The following SYNPO2 variants were observed in gnomAD, a reference collection of about 807,000 sequenced individuals.
The protein encoded by SYNPO2 is synaptopodin-2.
A neutral mutation model predicts 85.0 loss-of-function variants in SYNPO2; 56 were observed. That is an observed-to-expected ratio of 0.66 (90% CI 0.53 to 0.82). The LOEUF is 0.82. Ranked by LOEUF, SYNPO2 falls within the 40% of genes least tolerant of loss-of-function variation. The pLI is 0.00. For synonymous variants in SYNPO2, 602 were observed against 591.1 expected (o/e 1.02, Z -0.27); for missense variants, 1,575 against 1,534.2 (o/e 1.03, Z -0.44).
At chr4:118,876,683 T>C (rs1175817804) in intron 1 of SYNPO2, among the ~76,000 whole-genome samples, 1 of 47,420 alleles carries the variant, frequency 2.1e-5, no homozygotes, top group Admixed American at 1.9e-4. Context: ...CTTTCTTTCT[T>C]TCTTTCTTTC....
intron 1 of SYNPO2, among the ~76,000 whole-genome samples, chr4:118,870,957 AGAG>A (rs1447251927): frequency 7.9e-5 from 12 of 152,242 alleles, no homozygotes; most frequent in Non-Finnish European, 1.6e-4. Flanking sequence ...CAAGCTCAAA[AGAG>A]GAGAATATCA....
chr4:118,881,777 C>T (rs1029189507), intron 1 of SYNPO2, among the ~76,000 whole-genome samples: 3 of 152,200 alleles, frequency 2.0e-5, no homozygotes, highest in Non-Finnish European at 4.4e-5. Flanking sequence ...TTTCACACTG[C>T]TCGTTCTCTC....
At chr4:118,947,207 A>G (rs541308391) in intron 1 of SYNPO2, among the ~76,000 whole-genome samples, 3 of 152,306 alleles carry the variant, frequency 2.0e-5, no homozygotes, top group South Asian at 2.1e-4. Flanking sequence ...TCTCTGTACT[A>G]TCTCTTTTAC....
intron 4 of SYNPO2, chr4:119,038,290 A>G (rs1353854180): frequency 1.0e-6 from 1 of 985,098 alleles, no homozygotes; most frequent in Non-Finnish European, 1.2e-6. Context: ...ATTTCCCAAG[A>G]TGGCTCAGAA....
intron 1 of SYNPO2, among the ~76,000 whole-genome samples, chr4:118,948,632 A>C (rs989365599): frequency 6.6e-6 from 1 of 152,124 alleles, no homozygotes; most frequent in Non-Finnish European, 1.5e-5. Context: ...TGGAAGGGGA[A>C]GGGGAGCAGG....
At chr4:118,920,976 T>C (rs988323745) in intron 1 of SYNPO2, among the ~76,000 whole-genome samples, 3 of 151,998 alleles carry the variant, frequency 2.0e-5, no homozygotes, top group Admixed American at 1.3e-4. Flanking sequence ...TAGCTCACTA[T>C]GATGTCAGAC....
chr4:118,928,074 G>A (rs1733798249), intron 1 of SYNPO2, among the ~76,000 whole-genome samples: 1 of 152,162 alleles, frequency 6.6e-6, no homozygotes, highest in African/African-American at 2.4e-5. Context: ...CAGGAGGTTT[G>A]CTAGGCAACC....
chr4:118,998,176 A>G lies in SYNPO2; in HGVS notation c.106-25254A>G, dbSNP rs182564763. On this transcript the variant is annotated intron_variant, in intron 1 of 4. Transcript: ENST00000307142. ...ACAAGGCCTTGAATTATGTAAATAT[A>G]TTTTTAATATGCACACTTCACTGGC... is the stretch of plus-strand genomic sequence containing the variant. 2.0e-5 allele frequency among the ~76,000 whole-genome samples: 3 copies of G among 152,284 alleles called. No homozygotes were observed. In the East Asian group the frequency reaches 5.8e-4, roughly 29 times the overall value.
chr4:118,864,424 A>T (rs1731668209), intron 1 of SYNPO2, among the ~76,000 whole-genome samples: 1 of 152,210 alleles, frequency 6.6e-6, no homozygotes, highest in South Asian at 2.1e-4. Flanking sequence ...CAGCCGTTGG[A>T]TGAAATGTTC....
At chr4:118,969,169 T>A (rs1470598020) in intron 1 of SYNPO2, among the ~76,000 whole-genome samples, 1 of 152,192 alleles carries the variant, frequency 6.6e-6, no homozygotes, top group African/African-American at 2.4e-5. Flanking sequence ...GGGTTACCAC[T>A]GTTTTATGAT....
intron 1 of SYNPO2, among the ~76,000 whole-genome samples, chr4:118,916,421 C>A (rs191365517): frequency 3.3e-5 from 5 of 152,080 alleles, no homozygotes; most frequent in Non-Finnish European, 5.9e-5. Flanking sequence ...GATCCACCCC[C>A]CTCAGCCTCC....
At chr4:118,930,614 T>C (rs1397917893) in intron 1 of SYNPO2, among the ~76,000 whole-genome samples, 3 of 151,880 alleles carry the variant, frequency 2.0e-5, no homozygotes, top group Admixed American at 2.0e-4. Context: ...ATTGCCTCCA[T>C]TAGATTACAA....
intron 1 of SYNPO2, among the ~76,000 whole-genome samples, chr4:118,921,782 C>T (rs1398562016): frequency 2.0e-5 from 3 of 149,556 alleles, no homozygotes; most frequent in Non-Finnish European, 3.0e-5. Context: ...TTCATATGCA[C>T]ACACACACAC....
chr4:118,856,621 C>G (rs1271370160), intron 1 of SYNPO2, among the ~76,000 whole-genome samples: 2 of 152,078 alleles, frequency 1.3e-5, no homozygotes, highest in African/African-American at 4.8e-5. Context: ...TCAAGTCATC[C>G]TTCCACCTCT....
chr4:118,945,272 G>T (rs1734457914), intron 1 of SYNPO2, among the ~76,000 whole-genome samples: 1 of 152,070 alleles, frequency 6.6e-6, no homozygotes, highest in Non-Finnish European at 1.5e-5. Context: ...AGAACACAAA[G>T]AATTTTGATA....
At chr4:118,870,987 G>A (rs1355909807) in intron 1 of SYNPO2, among the ~76,000 whole-genome samples, 1 of 152,220 alleles carries the variant, frequency 6.6e-6, no homozygotes, top group African/African-American at 2.4e-5. Context: ...AGAAAGACAA[G>A]TGACACCCAA....
At chr4:118,881,714 A>G (rs1018104858) in intron 1 of SYNPO2, among the ~76,000 whole-genome samples, 1 of 152,092 alleles carries the variant, frequency 6.6e-6, no homozygotes, top group Non-Finnish European at 1.5e-5. Context: ...CAAGTGAGAG[A>G]CGGCACATAG....
intron 1 of SYNPO2, among the ~76,000 whole-genome samples, chr4:118,876,701 CTTTCTTTCTTTCT>C (rs1366647620): frequency 8.4e-6 from 1 of 118,444 alleles, no homozygotes; most frequent in Non-Finnish European, 1.7e-5. Flanking sequence ...TTCTTTCTTT[CTTTCTTTCTTTCT>C]TTCTTTCTTT....
intron 1 of SYNPO2, among the ~76,000 whole-genome samples, chr4:119,003,961 C>T (rs1736916896): frequency 6.6e-6 from 1 of 152,134 alleles, no homozygotes; most frequent in South Asian, 2.1e-4. Flanking sequence ...TTTCCACCCT[C>T]AGCTGTGCCT....
Sources: allele counts gnomAD v4.1 joint callset (sites outside exome capture counted in the v4.1 genomes callset), GRCh38; gene constraint gnomAD v4.1.1; transcripts MANE v1.5; gene names NCBI Gene and HGNC (gene_info 2026-07-23, HGNC 2026-07-21).